The following RBPJ variants were observed in gnomAD, a reference collection of about 807,000 sequenced individuals.
RBPJ encodes the protein recombination signal binding protein for immunoglobulin kappa J region.
Under a neutral mutation model 67.8 loss-of-function variants are expected in RBPJ, and 9 were observed. That is an observed-to-expected ratio of 0.13 (90% CI 0.08 to 0.23). The LOEUF (loss-of-function observed/expected upper bound fraction) is 0.23. Ranked by LOEUF, RBPJ falls within the 10% of genes least tolerant of loss-of-function variation. The pLI is 1.00. For synonymous variants in RBPJ, 198 were observed against 203.3 expected (o/e 0.97, Z 0.22); for missense variants, 305 against 595.6 (o/e 0.51, Z 5.08).
At chr4:26,109,425 CCTCT>C in the RBPJ span, among the ~76,000 whole-genome samples, 47 of 22,892 alleles carry the variant, frequency 2.1e-3, 1 homozygote, top group South Asian at 6.2e-3. Context: ...TCTCTCTCTC[CCTCT>C]CTCTCTCTCT....
chr4:26,200,596 A>G (rs1206792367), intron 1 of RBPJ, among the ~76,000 whole-genome samples: 2 of 152,030 alleles, frequency 1.3e-5, no homozygotes, highest in African/African-American at 4.8e-5. Flanking sequence ...ACTTGAGCCC[A>G]TGAGGTTATG....
At chr4:26,347,898 A>G (rs925049959) in intron 1 of RBPJ, among the ~76,000 whole-genome samples, 2 of 151,388 alleles carry the variant, frequency 1.3e-5, no homozygotes, top group South Asian at 2.1e-4. Flanking sequence ...GAGGACATTT[A>G]CCAATTTGAT....
At chr4:26,338,824 C>T (rs564044626) in intron 1 of RBPJ, among the ~76,000 whole-genome samples, 18 of 150,132 alleles carry the variant, frequency 1.2e-4, no homozygotes, top group African/African-American at 4.4e-4. Flanking sequence ...CCACCTGCCT[C>T]GGCCTCCCAA....
intron 1 of RBPJ, among the ~76,000 whole-genome samples, chr4:26,299,238 C>T (rs1258624209): frequency 1.3e-5 from 2 of 151,988 alleles, no homozygotes; most frequent in African/African-American, 4.8e-5. Flanking sequence ...TCATTTTATC[C>T]CTCAGTTAAT....
intron 5 of RBPJ, among the ~76,000 whole-genome samples, chr4:26,422,999 C>T (rs1735298010): frequency 1.3e-5 from 2 of 152,276 alleles, no homozygotes; most frequent in Admixed American, 1.3e-4. Context: ...TCAACTCTTG[C>T]AATTTATTTA....
At chr4:26,146,955 G>A in the RBPJ span, among the ~76,000 whole-genome samples, 1 of 152,220 alleles carries the variant, frequency 6.6e-6, no homozygotes. Context: ...TGTGGCACGA[G>A]CTTGGCATGT....
the RBPJ span, among the ~76,000 whole-genome samples, chr4:26,155,283 G>A: frequency 6.6e-6 from 1 of 152,134 alleles, no homozygotes; most frequent in Admixed American, 6.5e-5. Context: ...GACCAGCTGA[G>A]CGCCATTTCC....
At chr4:26,304,674 T>C (rs1722176169) in intron 1 of RBPJ, among the ~76,000 whole-genome samples, 1 of 152,238 alleles carries the variant, frequency 6.6e-6, no homozygotes, top group Non-Finnish European at 1.5e-5. Flanking sequence ...TTTTGCCCAT[T>C]TTTAATTGAA....
At chr4:26,198,194 C>T (rs1360433617) in intron 1 of RBPJ, among the ~76,000 whole-genome samples, 2 of 151,916 alleles carry the variant, frequency 1.3e-5, no homozygotes, top group Admixed American at 6.6e-5. Flanking sequence ...GCGGAGGTTG[C>T]GGTGAGCTGA....
At chr4:26,352,607 G>A (rs537019535) in intron 1 of RBPJ, among the ~76,000 whole-genome samples, 1 of 152,300 alleles carries the variant, frequency 6.6e-6, no homozygotes, top group South Asian at 2.1e-4. Flanking sequence ...TGAGACCTAG[G>A]AAGGAGAATC....
intron 1 of RBPJ, among the ~76,000 whole-genome samples, chr4:26,234,981 T>C (rs936909882): frequency 1.3e-4 from 20 of 152,270 alleles, no homozygotes; most frequent in Middle Eastern, 3.4e-3. Flanking sequence ...TGTGAGCCAC[T>C]GTGCCCGGCC....
At chr4:26,345,916 C>T (rs1160174641) in intron 1 of RBPJ, among the ~76,000 whole-genome samples, 1 of 152,158 alleles carries the variant, frequency 6.6e-6, no homozygotes, top group Admixed American at 6.5e-5. Flanking sequence ...GACAAAATCA[C>T]ATCTTTTCTA....
At chr4:26,123,191 G>A in the RBPJ span, among the ~76,000 whole-genome samples, 1 of 152,142 alleles carries the variant, frequency 6.6e-6, no homozygotes, top group African/African-American at 2.4e-5. Context: ...GTGGCCTATT[G>A]CTCCCAGAAT....
At chr4:26,340,522 T>G (rs1725395735) in intron 1 of RBPJ, among the ~76,000 whole-genome samples, 1 of 152,060 alleles carries the variant, frequency 6.6e-6, no homozygotes, top group East Asian at 1.9e-4. Flanking sequence ...GTTAAGAGGA[T>G]TCTGCAACAA....
chr4:26,205,209 C>T (rs1448166754), intron 1 of RBPJ, among the ~76,000 whole-genome samples: 1 of 152,178 alleles, frequency 6.6e-6, no homozygotes, highest in Non-Finnish European at 1.5e-5. Context: ...CAGGTGTGCA[C>T]TTATCTTTAG....
At chr4:26,392,328 G>A (rs1252345800) in intron 2 of RBPJ, among the ~76,000 whole-genome samples, 1 of 152,018 alleles carries the variant, frequency 6.6e-6, no homozygotes, top group Non-Finnish European at 1.5e-5. Flanking sequence ...TTTAATCAAG[G>A]AAAATGAAAA....
intron 1 of RBPJ, among the ~76,000 whole-genome samples, chr4:26,185,029 C>T (rs1425133927): frequency 6.6e-6 from 1 of 151,740 alleles, no homozygotes; most frequent in African/African-American, 2.4e-5. Flanking sequence ...GTAATCCTAG[C>T]TACTCGGGAG....
In RBPJ at chr4:26,253,307, C is replaced by CTTTTTT. The variant is rs1182769419; in HGVS notation, c.-167+89710_-167+89715dup. 4.9e-3 allele frequency among the ~76,000 whole-genome samples: 563 copies of CTTTTTT among 114,320 alleles called. 2 individuals carry two copies. The highest frequency in any genetic ancestry group is 7.7e-3 in the African/African-American group (234 of 30,500). The allele number at this position is 114,320 out of a possible 152,430, so 75.0% of individuals were successfully genotyped here. A position where few individuals can be genotyped will look rare whatever the true frequency, so the allele number is the denominator to read the frequency against. On this transcript the variant is annotated intron_variant, in intron 1 of 4. Transcript: ENST00000512351. Reference sequence around the variant, plus strand: ...TATCAGATATCTTAATCTGCTATTTCTTTTTTTTTTTTTTTTTTTTTTGAG... The same window carrying CTTTTTT: ...TATCAGATATCTTAATCTGCTATTTCTTTTTTTTTTTTTTTTTTTTTTTTTTTTGAG...
At chr4:26,270,953 T>C (rs1405199701) in intron 1 of RBPJ, among the ~76,000 whole-genome samples, 1 of 152,166 alleles carries the variant, frequency 6.6e-6, no homozygotes, top group Non-Finnish European at 1.5e-5. Flanking sequence ...GTGAGTACAG[T>C]ACAATAAGAC....
Sources: allele counts gnomAD v4.1 joint callset (sites outside exome capture counted in the v4.1 genomes callset), GRCh38; gene constraint gnomAD v4.1.1; transcripts MANE v1.5; gene names NCBI Gene and HGNC (gene_info 2026-07-23, HGNC 2026-07-21).